PDZRN4: variants seen among roughly 807,000 people sequenced by gnomAD.
PDZRN4 encodes PDZ domain containing ring finger 4, also known as PDZ domain-containing RING finger protein 4.
A neutral mutation model predicts 99.0 loss-of-function variants in PDZRN4; 70 were observed. The ratio of observed to expected loss-of-function variants is 0.71; its 90% CI spans 0.58 to 0.86. PDZRN4 has a LOEUF of 0.86. Ranked by LOEUF, PDZRN4 falls within the 40% of genes least tolerant of loss-of-function variation. PDZRN4 has a pLI of 0.00. For synonymous variants in PDZRN4, 551 were observed against 501.6 expected, an observed-to-expected ratio of 1.10 and a Z score of -1.32; for missense variants, 1,474 against 1,331.2, an observed-to-expected ratio of 1.11 and a Z score of -1.67.
chr12:41,214,366 C>A (rs1950906873), intron 3 of PDZRN4, among the ~76,000 whole-genome samples: 1 of 137,290 alleles, frequency 7.3e-6, no homozygotes, highest in South Asian at 2.4e-4. Flanking sequence ...GAGTTTGAGG[C>A]TGCAGTGAGA....
At chr12:41,325,319 T>A (rs1470596378) in intron 3 of PDZRN4, among the ~76,000 whole-genome samples, 1 of 152,226 alleles carries the variant, frequency 6.6e-6, no homozygotes, top group Non-Finnish European at 1.5e-5. Context: ...CCAGTGTGTT[T>A]AGATGGCATA....
intron 3 of PDZRN4, among the ~76,000 whole-genome samples, chr12:41,276,988 T>G (rs1241668542): frequency 2.6e-5 from 4 of 152,172 alleles, no homozygotes; most frequent in Admixed American, 2.6e-4. Context: ...GGAATCTGGA[T>G]ATATGGAAAC....
intron 7 of PDZRN4, among the ~76,000 whole-genome samples, 188 bp from the exon 8 acceptor site, chr12:41,563,360 G>A (rs552983776): frequency 9.3e-4 from 141 of 152,222 alleles, no homozygotes; most frequent in African/African-American, 2.6e-3. Flanking sequence ...CATCCTTCAC[G>A]GATCGATATG....
intron 5 of PDZRN4, among the ~76,000 whole-genome samples, chr12:41,516,634 T>C (rs1229172867): frequency 6.6e-6 from 1 of 152,074 alleles, no homozygotes; most frequent in Non-Finnish European, 1.5e-5. Flanking sequence ...CACAAATGCG[T>C]AAGCTGGTGA....
chr12:41,352,819 C>T (rs1951900736), intron 3 of PDZRN4, among the ~76,000 whole-genome samples: 1 of 152,078 alleles, frequency 6.6e-6, no homozygotes, highest in African/African-American at 2.4e-5. Context: ...AATTATAGCA[C>T]ATAGTCTTTA....
intron 3 of PDZRN4, among the ~76,000 whole-genome samples, chr12:41,316,255 A>T (rs531933173): frequency 6.6e-6 from 1 of 152,268 alleles, no homozygotes; most frequent in South Asian, 2.1e-4. Context: ...ATGCCAGTAT[A>T]AATAAATAAT....
intron 3 of PDZRN4, among the ~76,000 whole-genome samples, chr12:41,267,943 CTGTTACTAAGGCTGCCATTGCTT>C (rs1302099870): frequency 6.6e-6 from 1 of 152,124 alleles, no homozygotes; most frequent in Admixed American, 6.5e-5. Flanking sequence ...ACAAAGGCAC[CTGTTACTAAGGCTGCCATTGCTT>C]CCATGGTGGC....
At chr12:41,288,938 T>C (rs970592260) in intron 3 of PDZRN4, among the ~76,000 whole-genome samples, 1 of 152,126 alleles carries the variant, frequency 6.6e-6, no homozygotes, top group African/African-American at 2.4e-5. Context: ...AATCACTCTT[T>C]TGGCTGAGAA....
chr12:41,313,055 A>G (rs1439782526), intron 3 of PDZRN4, among the ~76,000 whole-genome samples: 1 of 152,146 alleles, frequency 6.6e-6, no homozygotes, highest in African/African-American at 2.4e-5. Flanking sequence ...TTCCCCCTGT[A>G]TTATCCATCT....
At chr12:41,467,538 T>G (rs1952939625) in intron 3 of PDZRN4, among the ~76,000 whole-genome samples, 1 of 152,210 alleles carries the variant, frequency 6.6e-6, no homozygotes, top group Non-Finnish European at 1.5e-5. Context: ...AGGGAATTTC[T>G]GGGTTCTATA....
chr12:41,361,354 G>T (rs1465072), intron 3 of PDZRN4, among the ~76,000 whole-genome samples: 10 of 151,788 alleles, frequency 6.6e-5, no homozygotes, highest in African/African-American at 2.4e-4. Context: ...AAAAGAACAT[G>T]ATTCCTGCCT....
intron 3 of PDZRN4, among the ~76,000 whole-genome samples, chr12:41,291,927 G>T (rs536305780): frequency 3.3e-4 from 51 of 152,246 alleles, no homozygotes; most frequent in Admixed American, 9.2e-4. Context: ...GGAACCCTGA[G>T]TACCAAACTG....
intron 5 of PDZRN4, among the ~76,000 whole-genome samples, chr12:41,551,503 T>C (rs1186842077): frequency 1.3e-5 from 2 of 152,108 alleles, no homozygotes; most frequent in Non-Finnish European, 2.9e-5. Context: ...CTACCTATGG[T>C]TTTACAAAAA....
At chr12:41,342,116 T>C (rs1340196601) in intron 3 of PDZRN4, among the ~76,000 whole-genome samples, 1 of 151,914 alleles carries the variant, frequency 6.6e-6, no homozygotes, top group Non-Finnish European at 1.5e-5. Flanking sequence ...GTTTATTCAA[T>C]AAATGGTGCT....
chr12:41,259,789 C>A (rs1951225493), intron 3 of PDZRN4, among the ~76,000 whole-genome samples: 1 of 152,120 alleles, frequency 6.6e-6, no homozygotes, highest in Admixed American at 6.5e-5. Flanking sequence ...AGCTAATCAG[C>A]TTAGTTTTAG....
chr12:41,499,902 C>CTCAAT (rs1938080819), intron 3 of PDZRN4, among the ~76,000 whole-genome samples: 1 of 151,928 alleles, frequency 6.6e-6, no homozygotes. Context: ...GCTGGGAGTC[C>CTCAAT]TCAATTCAAT....
chr12:41,481,527 C>T (rs943965439), intron 3 of PDZRN4, among the ~76,000 whole-genome samples: 25 of 152,002 alleles, frequency 1.6e-4, no homozygotes, highest in African/African-American at 5.6e-4. Flanking sequence ...CTTATCATAC[C>T]AAAAGTCTTC....
intron 3 of PDZRN4, among the ~76,000 whole-genome samples, chr12:41,227,919 A>C (rs4238081): frequency 0.027 from 834 of 31,148 alleles, 5 homozygotes; most frequent in Non-Finnish European, 0.053. Flanking sequence ...ACACACACAC[A>C]CCAGAAGGGT....
At position 41,376,257 on chromosome 12, in the gene PDZRN4, T is replaced by C. The variant is rs1952079359; in HGVS notation, c.844-130199T>C. Among the ~76,000 whole-genome samples, 4 of 152,296 alleles carry C rather than the reference T, an allele frequency of 2.6e-5. No homozygotes were observed. The South Asian group carries it at 8.3e-4, about 32-fold the overall frequency. On this transcript the variant is annotated intron_variant, in intron 3 of 9. Coordinates refer to ENST00000402685, the MANE Select transcript of PDZRN4 (RefSeq NM_001164595.2). ...GATTTATACCCAGAAGCAAGATTGA[T>C]GGATCATATGGTAATTCTATTTTTA...
Sources: gnomAD v4.1 joint callset for allele counts (sites outside exome capture counted in the v4.1 genomes callset) on GRCh38, gnomAD v4.1.1 for gene constraint, MANE v1.5 for transcripts, NCBI Gene and HGNC (gene_info 2026-07-23, HGNC 2026-07-21) for gene names.